Variants in MIS18A observed in about 807,000 individuals in gnomAD.
MIS18A encodes the protein MIS18 kinetochore protein A, also known as protein Mis18-alpha.
A neutral mutation model predicts 25.0 loss-of-function variants in MIS18A; 14 were observed. The observed-to-expected ratio is 0.56, with a 90% CI of 0.37 to 0.88. MIS18A has a LOEUF of 0.88. Ranked by LOEUF, MIS18A falls within the 40% of genes least tolerant of loss-of-function variation. The probability of loss-of-function intolerance (pLI) is 0.00; values close to 1 mark genes in which losing one functional copy is unlikely to be tolerated. For synonymous variants in MIS18A, 134 were observed against 118.6 expected (o/e 1.13, Z -0.84); for missense variants, 292 against 290.8 (o/e 1.00, Z -0.03).
At chr21:32,170,578 G>A in the MIS18A span, among the ~76,000 whole-genome samples, 2 of 151,794 alleles carry the variant, frequency 1.3e-5, no homozygotes, top group African/African-American at 4.8e-5. Context: ...TCCATTGGAA[G>A]GACATAAGGA....
At chr21:32,257,305 G>A in the MIS18A span, among the ~76,000 whole-genome samples, 1 of 152,216 alleles carries the variant, frequency 6.6e-6, no homozygotes, top group African/African-American at 2.4e-5. Context: ...TTGGTGAAAT[G>A]TTGGCAGCCA....
chr21:32,230,167 C>A, the MIS18A span, among the ~76,000 whole-genome samples: 1 of 152,164 alleles, frequency 6.6e-6, no homozygotes, highest in Non-Finnish European at 1.5e-5. Context: ...TAAATAAGAA[C>A]TGAATTATCA....
chr21:32,223,024 CTACTGGGTAAA>C, the MIS18A span, among the ~76,000 whole-genome samples: 1 of 151,242 alleles, frequency 6.6e-6, no homozygotes, highest in Admixed American at 6.6e-5. Context: ...TCCTGAATGA[CTACTGGGTAAA>C]TAACAAAATT....
At chr21:32,156,525 C>T in the MIS18A span, 2 of 152,124 alleles carry the variant, frequency 1.3e-5, no homozygotes, top group African/African-American at 2.4e-5. Context: ...AAACATCCCC[C>T]AGTGAGTTAG....
chr21:32,218,327 A>G, the MIS18A span, among the ~76,000 whole-genome samples: 1 of 152,190 alleles, frequency 6.6e-6, no homozygotes, highest in Admixed American at 6.5e-5. Context: ...ATGAAGAAGC[A>G]ACCACATGAA....
At chr21:32,183,384 T>C in the MIS18A span, among the ~76,000 whole-genome samples, 1 of 152,242 alleles carries the variant, frequency 6.6e-6, no homozygotes, top group Non-Finnish European at 1.5e-5. Flanking sequence ...CCAACAGCTA[T>C]ATACTGAAAA....
chr21:32,198,457 T>C, the MIS18A span, among the ~76,000 whole-genome samples: 1 of 152,260 alleles, frequency 6.6e-6, no homozygotes, highest in Non-Finnish European at 1.5e-5. Flanking sequence ...GGCAGAGACC[T>C]GGGCACACTG....
At chr21:32,218,192 C>CAAA in the MIS18A span, among the ~76,000 whole-genome samples, 27 of 56,348 alleles carry the variant, frequency 4.8e-4, no homozygotes, top group African/African-American at 6.9e-4. Flanking sequence ...GACTCCATCT[C>CAAA]AAAAAAAAAA....
rs1009573912 is a variant in MIS18A at position 32,269,014 on chromosome 21, G to A, written c.*23C>T. ...AATAAGGGGAGGAAGGGCGGGGGCA[G>A]AATGGAGGACACAGACTAGAGTTCA... On this transcript the variant is annotated 3_prime_UTR_variant, in exon 5 of 5. Transcript: ENST00000290130. 1 of 1,540,696 alleles carries A rather than the reference G, an allele frequency of 6.5e-7. No individual in the cohort carries two copies. The highest frequency in any genetic ancestry group is 1.7e-5 in the Admixed American group (1 of 58,252).
the MIS18A span, among the ~76,000 whole-genome samples, chr21:32,246,173 C>CT: frequency 6.6e-6 from 1 of 152,182 alleles, no homozygotes; most frequent in African/African-American, 2.4e-5. Context: ...ATCAAATCAC[C>CT]TCCCGCCAGG....
At chr21:32,214,391 C>G in the MIS18A span, among the ~76,000 whole-genome samples, 4 of 152,166 alleles carry the variant, frequency 2.6e-5, no homozygotes, top group Non-Finnish European at 5.9e-5. Context: ...GAGGCGAGAG[C>G]TGGGATGCAG....
At chr21:32,240,244 T>C in the MIS18A span, among the ~76,000 whole-genome samples, 2 of 152,240 alleles carry the variant, frequency 1.3e-5, no homozygotes, top group South Asian at 4.1e-4. Context: ...ATCCCCAACA[T>C]GGTGGTACTG....
chr21:32,200,559 G>C, the MIS18A span, among the ~76,000 whole-genome samples: 1 of 150,826 alleles, frequency 6.6e-6, no homozygotes, highest in Non-Finnish European at 1.5e-5. Context: ...TCAGCCTCCC[G>C]AGTAGCTGGG....
the MIS18A span, among the ~76,000 whole-genome samples, chr21:32,244,299 T>C: frequency 2.0e-5 from 3 of 152,310 alleles, no homozygotes; most frequent in South Asian, 2.1e-4. Context: ...GGAATTTTTT[T>C]TTTTTAGGTG....
At chr21:32,277,621 T>G (rs970682164) in intron 1 of MIS18A, among the ~76,000 whole-genome samples, 1 of 152,112 alleles carries the variant, frequency 6.6e-6, no homozygotes, top group Non-Finnish European at 1.5e-5. Context: ...CCCGGCTAAT[T>G]TTTTATTTTG....
At chr21:32,216,910 C>A in the MIS18A span, among the ~76,000 whole-genome samples, 5 of 152,192 alleles carry the variant, frequency 3.3e-5, 1 homozygote, top group South Asian at 8.3e-4. Flanking sequence ...CAGGGGCCAC[C>A]TATGACAAAG....
the MIS18A span, among the ~76,000 whole-genome samples, chr21:32,252,909 C>T: frequency 1.7e-3 from 254 of 152,312 alleles, 6 homozygotes; most frequent in Admixed American, 0.014. Context: ...TCTCCCACTT[C>T]GGGGTCTGAT....
At chr21:32,198,250 G>T in the MIS18A span, among the ~76,000 whole-genome samples, 1 of 152,348 alleles carries the variant, frequency 6.6e-6, no homozygotes, top group South Asian at 2.1e-4. Flanking sequence ...GCCAGGCAGT[G>T]CCAAAGAGTG....
At chr21:32,187,173 C>T in the MIS18A span, among the ~76,000 whole-genome samples, 12 of 152,210 alleles carry the variant, frequency 7.9e-5, no homozygotes, top group Admixed American at 3.3e-4. Context: ...AACGATGACA[C>T]TCTGTAATGA....
Sources: allele counts gnomAD v4.1 joint callset (sites outside exome capture counted in the v4.1 genomes callset), GRCh38; gene constraint gnomAD v4.1.1; transcripts MANE v1.5; gene names NCBI Gene and HGNC (gene_info 2026-07-23, HGNC 2026-07-21).